The following SKA2 variants were observed in gnomAD, a reference collection of about 807,000 sequenced individuals.
SKA2 encodes spindle and kinetochore-associated protein 2.
SKA2 carries 13 observed loss-of-function variants against 16.9 expected under a neutral mutation model. That is an observed-to-expected ratio of 0.77 (90% CI 0.50 to 1.22). The LOEUF (loss-of-function observed/expected upper bound fraction) is 1.22, where lower values mean the gene tolerates loss of function less well. Among genes scored for constraint, SKA2 ranks in the 50% most tolerant of loss-of-function variants. SKA2 has a pLI of 0.00. For missense variants in SKA2, 107 were observed against 139.7 expected, an observed-to-expected ratio of 0.77 and a Z score of 1.18; for synonymous variants, 47 against 48.5, an observed-to-expected ratio of 0.97 and a Z score of 0.13.
intron 1 of SKA2, among the ~76,000 whole-genome samples, chr17:59,139,063 T>G (rs966767783): frequency 1.3e-5 from 2 of 152,082 alleles, no homozygotes; most frequent in African/African-American, 4.8e-5. Flanking sequence ...AGAGAAGAGT[T>G]GGTAGACAGG....
In SKA2 at chr17:59,131,596, T is replaced by C. The variant is rs370251439; in HGVS notation, c.34-229A>G. Among the ~76,000 whole-genome samples, 188 of 152,292 alleles carry C rather than the reference T, an allele frequency of 1.2e-3. 3 individuals carry two copies. In the South Asian group the frequency reaches 0.039, roughly 31 times the overall value. On this transcript the variant is annotated intron_variant, in intron 1 of 3. Transcript: ENST00000330137. ...TTAAAGTCATTCATTTCTCTATGCC[T>C]CTCTCTTACATTTTGAGCCAAAATC... is the stretch of plus-strand genomic sequence containing the variant.
intron 1 of SKA2, 141 bp from the exon 2 acceptor site, chr17:59,131,508 T>C (rs9898146): frequency 2.2e-4 from 112 of 510,950 alleles, no homozygotes; most frequent in African/African-American, 2.0e-3. Context: ...ATAAAAAGTA[T>C]ATAAAATATC....
intron 2 of SKA2, among the ~76,000 whole-genome samples, chr17:59,121,671 G>C (rs189623214): frequency 6.7e-6 from 1 of 149,780 alleles, no homozygotes; most frequent in African/African-American, 2.5e-5. Context: ...AAAAAAGGTC[G>C]GGCGCGGTGG....
At chr17:59,151,360 G>A in intron 1 of SKA2, 3 of 396,166 alleles carry the variant, frequency 7.6e-6, no homozygotes, top group East Asian at 1.6e-4. Flanking sequence ...TTTTAAAAAA[G>A]GATAAGACTT....
intron 1 of SKA2, among the ~76,000 whole-genome samples, chr17:59,141,369 C>T (rs550525243): frequency 1.3e-5 from 2 of 152,006 alleles, no homozygotes; most frequent in Non-Finnish European, 2.9e-5. Context: ...TGCATTGCAG[C>T]CTGGCGACAG....
chr17:59,139,624 A>G (rs1325365569), intron 1 of SKA2, among the ~76,000 whole-genome samples: 1 of 152,060 alleles, frequency 6.6e-6, no homozygotes, highest in African/African-American at 2.4e-5. Flanking sequence ...TGCTAGGATT[A>G]CAGGTGTCAG....
At chr17:59,127,955 C>T (rs1255159758) in intron 2 of SKA2, among the ~76,000 whole-genome samples, 2 of 152,136 alleles carry the variant, frequency 1.3e-5, no homozygotes, top group African/African-American at 4.8e-5. Flanking sequence ...CGGTGGCTCA[C>T]ACCTGTAATC....
intron 1 of SKA2, among the ~76,000 whole-genome samples, chr17:59,152,679 T>C (rs966365930): frequency 6.6e-6 from 1 of 152,146 alleles, no homozygotes; most frequent in Admixed American, 6.6e-5. Flanking sequence ...ACTCTTAAAA[T>C]CTTATAAAAT....
intron 1 of SKA2, among the ~76,000 whole-genome samples, chr17:59,143,169 T>C (rs1245947546): frequency 6.6e-6 from 1 of 152,034 alleles, no homozygotes; most frequent in East Asian, 1.9e-4. Flanking sequence ...ATGGTTTTAA[T>C]CAGGAGCTGT....
intron 1 of SKA2, among the ~76,000 whole-genome samples, chr17:59,142,008 G>A (rs1878151528): frequency 6.6e-6 from 1 of 151,992 alleles, no homozygotes; most frequent in African/African-American, 2.4e-5. Context: ...AAGATTCAAG[G>A]TCTCTTAAAG....
chr17:59,136,694 G>T (rs1186650813), intron 1 of SKA2, among the ~76,000 whole-genome samples: 1 of 151,780 alleles, frequency 6.6e-6, no homozygotes, highest in African/African-American at 2.4e-5. Flanking sequence ...GACTATAGGC[G>T]TGCACCACCA....
intron 1 of SKA2, among the ~76,000 whole-genome samples, chr17:59,148,047 T>C (rs976279181): frequency 4.6e-5 from 7 of 151,974 alleles, no homozygotes; most frequent in Non-Finnish European, 1.5e-5. Context: ...TTTCACCATG[T>C]TGGCCAGGCT....
rs189623214 is a variant in SKA2, at chr17:59,121,671, G to A, written c.121-2176C>T. On this transcript the variant is annotated intron_variant, in intron 2 of 3. Coordinates refer to ENST00000330137, the MANE Select transcript of SKA2 (RefSeq NM_182620.4). Reference sequence around the variant, plus strand: ...TCCCTCTCAAAAAAAAAAAAAGGTCGGGCGCGGTGGCTCACGCCTGTAATC... The same window carrying A: ...TCCCTCTCAAAAAAAAAAAAAGGTCAGGCGCGGTGGCTCACGCCTGTAATC... Among the ~76,000 whole-genome samples, 3 of 149,874 alleles carry A rather than the reference G, an allele frequency of 2.0e-5. No individual in the cohort carries two copies. The East Asian group carries it at 5.8e-4, about 29-fold the overall frequency.
chr17:59,129,708 A>G (rs939111620), intron 2 of SKA2, among the ~76,000 whole-genome samples: 2 of 151,882 alleles, frequency 1.3e-5, no homozygotes, highest in African/African-American at 4.8e-5. Flanking sequence ...TACAAAAATT[A>G]GCCGAGCATG....
intron 1 of SKA2, among the ~76,000 whole-genome samples, chr17:59,149,918 A>C (rs2046564317): frequency 6.6e-6 from 1 of 152,094 alleles, no homozygotes; most frequent in Admixed American, 6.6e-5. Context: ...TAGGGGTCTC[A>C]CTCTGTTGCT....
chr17:59,143,159 A>G (rs2046505514), intron 1 of SKA2, among the ~76,000 whole-genome samples: 1 of 151,946 alleles, frequency 6.6e-6, no homozygotes, highest in Admixed American at 6.6e-5. Flanking sequence ...TCAATATATA[A>G]TGGTTTTAAT....
chr17:59,152,500 T>C (rs1038419969), intron 1 of SKA2, among the ~76,000 whole-genome samples: 10 of 152,174 alleles, frequency 6.6e-5, no homozygotes, highest in African/African-American at 2.4e-4. Flanking sequence ...ACTTTCTGAA[T>C]TGGAAGTTAT....
At chr17:59,131,167 A>G (rs755900844) in intron 2 of SKA2, 114 bp downstream of exon 2, 17 of 681,100 alleles carry the variant, frequency 2.5e-5, no homozygotes, top group Non-Finnish European at 3.7e-5. Flanking sequence ...TTAAGATTCT[A>G]TAAACTTAAT....
At chr17:59,149,368 G>A (rs1453285953) in intron 1 of SKA2, among the ~76,000 whole-genome samples, 1 of 152,036 alleles carries the variant, frequency 6.6e-6, no homozygotes, top group African/African-American at 2.4e-5. Context: ...AACTAGCCAG[G>A]TATGGTGATG....
Sources: gnomAD v4.1 joint callset for allele counts (sites outside exome capture counted in the v4.1 genomes callset) on GRCh38, gnomAD v4.1.1 for gene constraint, MANE v1.5 for transcripts, NCBI Gene and HGNC (gene_info 2026-07-23, HGNC 2026-07-21) for gene names.